Variants in CHRDL2 observed in about 807,000 individuals in gnomAD.
CHRDL2 encodes chordin-like protein 2.
CHRDL2 carries 41 observed loss-of-function variants against 54.3 expected under a neutral mutation model. The observed-to-expected ratio is 0.76, with a 90% CI of 0.59 to 0.98. The LOEUF (loss-of-function observed/expected upper bound fraction) is 0.98. CHRDL2 is among the 50% of genes least tolerant of loss of function. The pLI, the probability that CHRDL2 is intolerant of heterozygous loss-of-function variation, is 0.00. For synonymous variants in CHRDL2, 220 were observed against 224.3 expected, an observed-to-expected ratio of 0.98 and a Z score of 0.17; for missense variants, 518 against 562.4, an observed-to-expected ratio of 0.92 and a Z score of 0.80.
chr11:74,704,556 A>G lies in CHRDL2; in HGVS notation c.681T>C (p.Pro227=), dbSNP rs911351735. The stretch of plus-strand genomic sequence containing the variant: ...CTGCTCCCTTGGGTCTGAAGTGGCG[A>G]GGGATGAAGCTCAGAGGGGCGCTGA... ...TGLSAPLSFI[P]RHFRPKGAGS... Residue 227 remains proline (P), a synonymous_variant, in exon 7 of 11, where the codon CCT becomes CCC. Transcript: ENST00000376332. 20 of 1,581,156 alleles carry G rather than the reference A, an allele frequency of 1.3e-5. No homozygotes were observed. The highest frequency in any genetic ancestry group is 1.7e-5 in the Non-Finnish European group (20 of 1,167,302).
Position 74,724,958 on chromosome 11 carries a change from G to A in CHRDL2, c.82+5849C>T, listed in dbSNP as rs145976582. Among the ~76,000 whole-genome samples, 362 of 152,066 alleles carry A rather than the reference G, an allele frequency of 2.4e-3. 4 individuals carry two copies. Among genetic ancestry groups the A allele is most frequent in the African/African-American group, 8.5e-3 (351 of 41,484 alleles). On this transcript the variant is annotated intron_variant, in intron 1 of 10. Transcript: ENST00000376332. The stretch of plus-strand genomic sequence containing the variant: ...CAAAGAGGGAGAGATTCTGGAAGAG[G>A]AGCCAATTGACGGTCCTTAGTCCTG...
At chr11:74,713,573 G>T in intron 2 of CHRDL2, 94 bp from the exon 3 acceptor site, 1 of 912,370 alleles carries the variant, frequency 1.1e-6, no homozygotes, top group Non-Finnish European at 1.7e-6. Context: ...AACTGCAGAA[G>T]TCTGAACTTG....
At position 74,702,879 on chromosome 11, in the gene CHRDL2, G is replaced by A. The variant is rs1217821912; in HGVS notation, c.1035C>T (p.Ser345=). 3 of 1,614,152 alleles carry A rather than the reference G, an allele frequency of 1.9e-6. No homozygotes were observed. Among genetic ancestry groups the A allele is most frequent in the Non-Finnish European group, 2.5e-6 (3 of 1,180,018 alleles). The change falls in exon 9 of 11, where the codon TCC becomes TCT. Residue 345 remains serine, a synonymous_variant. Coordinates refer to ENST00000376332, the MANE Select transcript of CHRDL2 (RefSeq NM_001278473.3). ...PGRVLVHTSV[S]PSPDNLRRFA... ...AGCGACGCAGGTTGTCTGGGCTTGGGGATACCGATGTGTGGACGAGGACCC... is the reference window on the plus strand; with the variant it reads ...AGCGACGCAGGTTGTCTGGGCTTGGAGATACCGATGTGTGGACGAGGACCC...
rs939832842 is a variant in CHRDL2, at chr11:74,703,291, G to C, written c.946+14C>G. The C allele has an allele frequency of 1.3e-6, 2 of 1,582,280 alleles. No individual in the cohort carries two copies. The highest frequency in any genetic ancestry group is 1.7e-5 in the Admixed American group (1 of 57,652). On this transcript the variant is annotated intron_variant, in intron 8 of 10. Coordinates refer to ENST00000376332, the MANE Select transcript of CHRDL2 (RefSeq NM_001278473.3). ...CTGGCCAGCGCCCTCCTTGCTCCCAGTGCCCCTGTGTACCTGGGCAAATCT... is the reference window on the plus strand; with the variant it reads ...CTGGCCAGCGCCCTCCTTGCTCCCACTGCCCCTGTGTACCTGGGCAAATCT...
intron 1 of CHRDL2, among the ~76,000 whole-genome samples, chr11:74,726,656 G>A (rs1565160262): frequency 6.6e-6 from 1 of 152,242 alleles, no homozygotes; most frequent in Non-Finnish European, 1.5e-5. Flanking sequence ...GAACTTGAGA[G>A]GCCAGTCCTG....
chr11:74,710,455 A>G (rs1263876352), intron 4 of CHRDL2, among the ~76,000 whole-genome samples: 1 of 152,230 alleles, frequency 6.6e-6, no homozygotes, highest in African/African-American at 2.4e-5. Flanking sequence ...TTTGCTACAG[A>G]TAATCTGGCC....
intron 6 of CHRDL2, among the ~76,000 whole-genome samples, chr11:74,705,628 A>G (rs2033985791): frequency 6.6e-6 from 1 of 152,232 alleles, no homozygotes; most frequent in Non-Finnish European, 1.5e-5. Context: ...GTCAGTAAGT[A>G]GCTGATCAGA....
intron 1 of CHRDL2, among the ~76,000 whole-genome samples, chr11:74,730,353 A>G (rs1312950712): frequency 1.3e-5 from 2 of 152,230 alleles, no homozygotes; most frequent in Non-Finnish European, 2.9e-5. Flanking sequence ...TGCGAATGAT[A>G]ATACCCACCT....
At chr11:74,706,618 A>G in intron 5 of CHRDL2, 76 bp from the exon 6 acceptor site, 1 of 1,388,096 alleles carries the variant, frequency 7.2e-7, no homozygotes, top group Admixed American at 1.7e-5. Flanking sequence ...GCCTCCACCT[A>G]TAGGCTCTGT....
At chr11:74,711,204 G>T (rs572808934) in intron 3 of CHRDL2, among the ~76,000 whole-genome samples, 34 of 152,198 alleles carry the variant, frequency 2.2e-4, no homozygotes, top group Non-Finnish European at 2.4e-4. Context: ...TCCCTCCCAT[G>T]ACCTCTACCA....
intron 1 of CHRDL2, among the ~76,000 whole-genome samples, chr11:74,726,541 C>T (rs555492220): frequency 1.2e-3 from 180 of 152,290 alleles, no homozygotes; most frequent in African/African-American, 4.1e-3. Context: ...GATCTCTGTA[C>T]TACACCTCCC....
chr11:74,730,503 AC>A (rs980515230), intron 1 of CHRDL2, among the ~76,000 whole-genome samples: 2 of 151,868 alleles, frequency 1.3e-5, no homozygotes, highest in Non-Finnish European at 2.9e-5. Flanking sequence ...AGCCAGACAT[AC>A]CCGACTCCCT....
chr11:74,697,700 T>C lies in CHRDL2; in HGVS notation c.1121-403A>G, dbSNP rs558641883. On this transcript the variant is annotated intron_variant, in intron 9 of 10. Coordinates refer to ENST00000376332, the MANE Select transcript of CHRDL2 (RefSeq NM_001278473.3). ...GATCCTGCTCCTGTCACCTGCACCA[T>C]CCTGCTCTCACAACACCCACCTGTC... The C allele has an allele frequency of 3.7e-5, 16 of 436,090 alleles. No homozygotes were observed. In the East Asian group the frequency reaches 1.1e-3, roughly 31 times the overall value. 27.0% of individuals were successfully genotyped at this position (436,090 alleles called of 1,614,324 possible).
Position 74,708,318 on chromosome 11 carries a change from G to T in CHRDL2, c.510C>A (p.Cys170Ter), listed in dbSNP as rs1184555982. ...CAGACTCACCTTTGCAGGCCTGGCAGCAGGAGTCTGGCAGCGGGAGGGGTG... is the reference window on the plus strand; with the variant it reads ...CAGACTCACCTTTGCAGGCCTGGCATCAGGAGTCTGGCAGCGGGAGGGGTG... ...CPAPLPLPDS[C>*]CQACKDEASE... Residue 170 changes from cysteine (C) to a stop codon, truncating the protein, a stop_gained, in exon 5 of 11, where the codon TGC (cysteine) becomes TGA (stop). Coordinates refer to ENST00000376332, the MANE Select transcript of CHRDL2 (RefSeq NM_001278473.3). LOFTEE classifies it high-confidence loss of function. 6.3e-7 allele frequency: 1 copy of T among 1,577,896 alleles called. No individual in the cohort carries two copies.
At chr11:74,702,736 G>A (rs1337758596) in intron 9 of CHRDL2, 58 bp downstream of exon 9, 1 of 1,591,292 alleles carries the variant, frequency 6.3e-7, no homozygotes, top group Admixed American at 1.7e-5. Flanking sequence ...TGGGGTCTGG[G>A]GCACGGGAAG....
chr11:74,704,390 G>A, intron 7 of CHRDL2, 96 bp downstream of exon 7: 4 of 1,211,104 alleles, frequency 3.3e-6, no homozygotes, highest in South Asian at 2.9e-5. Flanking sequence ...TTAGGGAACT[G>A]CTGAGGAGAG....
intron 7 of CHRDL2, among the ~76,000 whole-genome samples, chr11:74,704,135 C>A (rs972394655): frequency 6.6e-6 from 1 of 152,160 alleles, no homozygotes; most frequent in Non-Finnish European, 1.5e-5. Flanking sequence ...GTCTATGAGC[C>A]CCTCAAGGGC....
Position 74,703,483 on chromosome 11 carries a change from C to T in CHRDL2, c.768G>A (p.Gly256=), listed in dbSNP as rs2135240036. ...EKHKKACVHG[G]KTYSHGEVWH... is the part of the protein sequence containing the mutation. ...ACACCTCCCCGTGGGAGTACGTCTT[C>T]CCGCCATGCACACAGGCTGAATAAG... The change falls in exon 8 of 11, where the codon GGG becomes GGA. Residue 256 remains glycine, a synonymous_variant. Transcript: ENST00000376332. The T allele has an allele frequency of 6.2e-7, 1 of 1,603,192 alleles. No individual in the cohort carries two copies. Among genetic ancestry groups the T allele is most frequent in the South Asian group, 1.1e-5 (1 of 89,786 alleles).
At chr11:74,703,688 A>C (rs940292451) in intron 7 of CHRDL2, among the ~76,000 whole-genome samples, 189 bp from the exon 8 acceptor site, 3 of 152,222 alleles carry the variant, frequency 2.0e-5, no homozygotes, top group African/African-American at 7.2e-5. Flanking sequence ...CCACTGCAGC[A>C]CTCAGAGCTG....
Sources: allele counts gnomAD v4.1 joint callset (sites outside exome capture counted in the v4.1 genomes callset), GRCh38; gene constraint gnomAD v4.1.1; transcripts MANE v1.5; gene names NCBI Gene and HGNC (gene_info 2026-07-23, HGNC 2026-07-21).